Variants in IGDCC4 observed in about 807,000 individuals in gnomAD.
The protein encoded by IGDCC4 is likely ortholog of mouse neighbor of Punc E11.
A neutral mutation model predicts 116.6 loss-of-function variants in IGDCC4; 72 were observed. That is an observed-to-expected ratio of 0.62 (90% CI 0.51 to 0.75). IGDCC4 has a LOEUF of 0.75. Ranked by LOEUF, IGDCC4 falls within the 30% of genes least tolerant of loss-of-function variation. IGDCC4 has a pLI of 0.00. For missense variants in IGDCC4, 1,501 were observed against 1,662.4 expected (o/e 0.90, Z 1.69); for synonymous variants, 709 against 719.9 (o/e 0.98, Z 0.24).
At chr15:65,421,588 G>A (rs2063190850) in intron 1 of IGDCC4, among the ~76,000 whole-genome samples, 1 of 152,150 alleles carries the variant, frequency 6.6e-6, no homozygotes, top group African/African-American at 2.4e-5. Flanking sequence ...GGCTGGCCAG[G>A]CGGAGGCTCC....
Position 65,383,969 on chromosome 15 carries a change from T to C in IGDCC4, c.*40A>G. 6.6e-7 allele frequency: 1 copy of C among 1,515,394 alleles called. No individual in the cohort carries two copies. The highest frequency in any genetic ancestry group is 8.9e-7 in the Non-Finnish European group (1 of 1,125,776). 93.9% of individuals were successfully genotyped at this position (1,515,394 alleles called of 1,614,324 possible). A position where few individuals can be genotyped will look rare whatever the true frequency, so the allele number is the denominator to read the frequency against. On this transcript the variant is annotated 3_prime_UTR_variant, in exon 20 of 20. Coordinates refer to ENST00000352385, the MANE Select transcript of IGDCC4 (RefSeq NM_020962.3). ...GCCACAGGTATCGCATCCTATGTGA[T>C]CCATACCTGCCTGCCCCAAACCACA...
In IGDCC4 at chr15:65,383,085, G is replaced by C. The variant is rs1056309402; in HGVS notation, c.*924C>G. ...GCAAGCAGAAGCACTGAGTGAAGAGGAGGCAGGAGGATGGCAGGCGAGTGC... is the reference window on the plus strand; with the variant it reads ...GCAAGCAGAAGCACTGAGTGAAGAGCAGGCAGGAGGATGGCAGGCGAGTGC... On this transcript the variant is annotated 3_prime_UTR_variant, in exon 20 of 20. Coordinates refer to ENST00000352385, the MANE Select transcript of IGDCC4 (RefSeq NM_020962.3). The C allele has an allele frequency of 1.3e-5, 2 of 152,928 alleles. No homozygotes were observed. Among genetic ancestry groups the C allele is most frequent in the African/African-American group, 4.8e-5 (2 of 41,440 alleles). The allele number at this position is 152,928 out of a possible 1,614,324, so 9.5% of individuals were successfully genotyped here. A position where few individuals can be genotyped will look rare whatever the true frequency, so the allele number is the denominator to read the frequency against.
intron 14 of IGDCC4, 111 bp downstream of exon 14, chr15:65,389,173 T>G: frequency 6.9e-7 from 1 of 1,458,742 alleles, no homozygotes; most frequent in Middle Eastern, 2.5e-4. Flanking sequence ...GAAACTCTTC[T>G]GCCCCCAGCT....
chr15:65,400,846 G>C lies in IGDCC4; in HGVS notation c.801C>G (p.Ala267=), dbSNP rs766150502. The C allele has an allele frequency of 3.7e-6, 6 of 1,613,654 alleles. No individual in the cohort carries two copies. In the Admixed American group the frequency reaches 1.0e-4, roughly 27 times the overall value. ...ACACAAAAGGGGTGGGGTCAGCTGA[G>C]GCCACACATTCCATCACCACACTCT... ...SGQSVVMECV[A]SADPTPFVSW... is the part of the protein sequence containing the mutation. Residue 267 remains alanine, a synonymous_variant, in exon 5 of 20, where the codon GCC becomes GCG. Coordinates refer to ENST00000352385, the MANE Select transcript of IGDCC4 (RefSeq NM_020962.3).
intron 5 of IGDCC4, among the ~76,000 whole-genome samples, chr15:65,398,890 A>G (rs2062956104): frequency 6.6e-6 from 1 of 152,154 alleles, no homozygotes; most frequent in South Asian, 2.1e-4. Flanking sequence ...ACTCTGTCTC[A>G]AAAAAACAAA....
rs576463676 is a variant in IGDCC4, at chr15:65,402,792, G to A, written c.564-305C>T. On this transcript the variant is annotated intron_variant, in intron 3 of 19. Transcript: ENST00000352385. ...TGAGGCAGGAGAATCGCTTGAACCCGGGAGGCGGAGGTTGCGGTGAGCCAA... is the reference window on the plus strand; with the variant it reads ...TGAGGCAGGAGAATCGCTTGAACCCAGGAGGCGGAGGTTGCGGTGAGCCAA... 9.2e-5 allele frequency among the ~76,000 whole-genome samples: 14 copies of A among 152,258 alleles called. No individual in the cohort carries two copies. In the South Asian group the frequency reaches 1.0e-3, roughly 11 times the overall value.
intron 6 of IGDCC4, 180 bp from the exon 7 acceptor site, chr15:65,396,343 T>A: frequency 1.4e-6 from 1 of 718,534 alleles, no homozygotes. Context: ...CCCTTTCTTC[T>A]CCCCATTTAC....
At chr15:65,401,887 G>A (rs2062990243) in intron 4 of IGDCC4, among the ~76,000 whole-genome samples, 3 of 152,252 alleles carry the variant, frequency 2.0e-5, no homozygotes, top group South Asian at 2.1e-4. Flanking sequence ...TCAAAGAAAC[G>A]AGTAAAGGAT....
Position 65,394,523 on chromosome 15 carries a change from G to A in IGDCC4, c.1602C>T (p.Ser534=), listed in dbSNP as rs1595781072. 5 of 1,610,114 alleles carry A rather than the reference G, an allele frequency of 3.1e-6. No homozygotes were observed. The highest frequency in any genetic ancestry group is 4.2e-6 in the Non-Finnish European group (5 of 1,177,780). ...DDVPSAAPQL[S]LSSPNPSDIR... is the part of the protein sequence containing the mutation. ...TGTCCGAAGGGTTGGGGCTGGACAG[G>A]GAGAGCTGGGGTGCTGCACTGGGGA... The change falls in exon 9 of 20, where the codon TCC becomes TCT. Residue 534 remains serine, a synonymous_variant. Coordinates refer to ENST00000352385, the MANE Select transcript of IGDCC4 (RefSeq NM_020962.3).
At chr15:65,390,044 T>C (rs2091498098) in intron 13 of IGDCC4, 111 bp downstream of exon 13, 1 of 952,030 alleles carries the variant, frequency 1.1e-6, no homozygotes, top group Non-Finnish European at 1.6e-6. Context: ...AGCCATGACA[T>C]GTTCCTGAAT....
Position 65,384,852 on chromosome 15 carries a change from G to C in IGDCC4, c.3342+102C>G, listed in dbSNP as rs1296747381. On this transcript the variant is annotated intron_variant, in intron 19 of 19. Coordinates refer to ENST00000352385, the MANE Select transcript of IGDCC4 (RefSeq NM_020962.3). This position sits in a 1 kb window ranked among gnomAD's most constrained non-coding sequence, Gnocchi z 4.9. Reference sequence around the variant, plus strand: ...TCTCCTGGCTAGACTTCTATCCCCAGGAAAGTTACCACCCAGGGGTCTCCA... The same window carrying C: ...TCTCCTGGCTAGACTTCTATCCCCACGAAAGTTACCACCCAGGGGTCTCCA... The C allele has an allele frequency of 1.4e-6, 2 of 1,442,232 alleles. No individual in the cohort carries two copies. Among genetic ancestry groups the C allele is most frequent in the African/African-American group, 2.9e-5 (2 of 69,290 alleles). 89.3% of individuals were successfully genotyped at this position (1,442,232 alleles called of 1,614,324 possible).
intron 17 of IGDCC4, 135 bp from the exon 18 acceptor site, chr15:65,386,194 G>A (rs2091456929): frequency 3.1e-6 from 2 of 640,050 alleles, no homozygotes; most frequent in Admixed American, 3.0e-5. Flanking sequence ...TGTGCAATGA[G>A]TAAGAAAAAC....
chr15:65,419,979 C>G (rs960840402), intron 1 of IGDCC4, among the ~76,000 whole-genome samples: 5 of 152,162 alleles, frequency 3.3e-5, no homozygotes, highest in Non-Finnish European at 7.3e-5. Context: ...CAGAGTCTCA[C>G]TTTGTCGCCC....
chr15:65,394,045 G>T (rs1032650857), intron 9 of IGDCC4, among the ~76,000 whole-genome samples: 1 of 152,088 alleles, frequency 6.6e-6, no homozygotes, highest in Non-Finnish European at 1.5e-5. Context: ...CTGTTACCCA[G>T]ATGGGAGTAC....
chr15:65,409,653 A>G (rs1319337804), intron 3 of IGDCC4, among the ~76,000 whole-genome samples: 3 of 152,206 alleles, frequency 2.0e-5, no homozygotes, highest in African/African-American at 7.2e-5. Flanking sequence ...TTGCCTTTAC[A>G]GGGAAAGAGG....
At position 65,392,251 on chromosome 15, in the gene IGDCC4, C is replaced by T. The variant is rs1350296740; in HGVS notation, c.2005G>A (p.Gly669Arg). 1.2e-6 allele frequency: 2 copies of T among 1,610,994 alleles called. No homozygotes were observed. The highest frequency in any genetic ancestry group is 1.7e-6 in the Non-Finnish European group (2 of 1,178,084). ...TCGCCATTGGCCTCCTCCTCAGCCC[C>T]CACCTCCCGCCAATATAGTTTGTAG... ...SGYKLYWREV[G>R]AEEEANGDRL... The change falls in exon 11 of 20, where the codon GGG becomes AGG. Residue 669 changes from glycine to arginine, a missense_variant. This residue lies in a region of IGDCC4 where 898 missense variants were observed against 978.9 expected (regional missense o/e 0.92). Coordinates refer to ENST00000352385, the MANE Select transcript of IGDCC4 (RefSeq NM_020962.3).
chr15:65,382,542 G>T lies in IGDCC4; in HGVS notation c.*1467C>A, dbSNP rs558912688. 1 of 152,604 alleles carries T rather than the reference G, an allele frequency of 6.6e-6. No individual in the cohort carries two copies. The highest frequency in any genetic ancestry group is 2.4e-5 in the African/African-American group (1 of 41,428). The allele number at this position is 152,604 out of a possible 1,614,324, so 9.5% of individuals were successfully genotyped here. A position where few individuals can be genotyped will look rare whatever the true frequency, so the allele number is the denominator to read the frequency against. ...TAACATTCTATGCTCCTATGAGAGG[G>T]CTGAGGTGAAAAACCAAATAAATGA... On this transcript the variant is annotated 3_prime_UTR_variant, in exon 20 of 20. Coordinates refer to ENST00000352385, the MANE Select transcript of IGDCC4 (RefSeq NM_020962.3).
At chr15:65,385,191 T>C in intron 18 of IGDCC4, 76 bp from the exon 19 acceptor site, 13 of 1,451,916 alleles carry the variant, frequency 9.0e-6, no homozygotes, top group Non-Finnish European at 1.2e-5. Flanking sequence ...GGGGAGGGAA[T>C]TGGGATGGGC....
Position 65,411,189 on chromosome 15 carries a change from G to C in IGDCC4, c.252C>G (p.His84Gln), listed in dbSNP as rs963784109. The C allele has an allele frequency of 4.3e-6, 7 of 1,614,256 alleles. No individual in the cohort carries two copies. Among genetic ancestry groups the C allele is most frequent in the Middle Eastern group, 1.7e-4 (1 of 6,060 alleles). The change falls in exon 2 of 20, where the codon CAC becomes CAG. Residue 84 changes from histidine to glutamine, a missense_variant. Physicochemically the swap from His to Gln is conservative, Grantham distance 24. Coordinates refer to ENST00000352385, the MANE Select transcript of IGDCC4 (RefSeq NM_020962.3). ...GGGAACCATTGGGCAGCAGGTGTAAGTGGTCGTGCTCCAGCAGGGTGTCCC... is the reference window on the plus strand; with the variant it reads ...GGGAACCATTGGGCAGCAGGTGTAACTGGTCGTGCTCCAGCAGGGTGTCCC... ...KDGDTLLEHDHLHLLPNGSLW... is the reference protein window; with the variant it reads ...KDGDTLLEHDQLHLLPNGSLW...
Sources: allele counts gnomAD v4.1 joint callset (sites outside exome capture counted in the v4.1 genomes callset), GRCh38; gene constraint gnomAD v4.1.1; regional missense constraint gnomAD v4.1.1; non-coding constraint Gnocchi (gnomAD v3.1); transcripts MANE v1.5; gene names NCBI Gene and HGNC (gene_info 2026-07-23, HGNC 2026-07-21).